Variants in MAN2A1 observed in about 807,000 individuals in gnomAD.
The protein encoded by MAN2A1 is mannosidase alpha class 2A member 1.
MAN2A1 carries 76 observed loss-of-function variants against 142.6 expected under a neutral mutation model. The observed-to-expected ratio is 0.53, with a 90% CI of 0.44 to 0.65. The LOEUF (loss-of-function observed/expected upper bound fraction) is 0.65, where lower values mean the gene tolerates loss of function less well. Ranked by LOEUF, MAN2A1 falls within the 30% of genes least tolerant of loss-of-function variation. The pLI is 0.00. For missense variants in MAN2A1, 1,311 were observed against 1,365.1 expected (o/e 0.96, Z 0.62); for synonymous variants, 559 against 473.2 (o/e 1.18, Z -2.35).
At chr5:109,776,973 A>G (rs1753310115) in intron 8 of MAN2A1, among the ~76,000 whole-genome samples, 1 of 152,112 alleles carries the variant, frequency 6.6e-6, no homozygotes. Context: ...TTTTTGATGA[A>G]TATACCACAG....
intron 12 of MAN2A1, among the ~76,000 whole-genome samples, chr5:109,810,778 C>T (rs1754294687): frequency 6.6e-6 from 1 of 152,122 alleles, no homozygotes. Context: ...TTTCTGTTGC[C>T]CTCAGGCAAA....
At chr5:109,765,270 G>T (rs886931928) in intron 5 of MAN2A1, among the ~76,000 whole-genome samples, 1 of 151,942 alleles carries the variant, frequency 6.6e-6, no homozygotes, top group Admixed American at 6.6e-5. Context: ...TTTTTTTGGG[G>T]ATTTCTTGAT....
intron 9 of MAN2A1, 34 bp downstream of exon 9, chr5:109,781,632 TTCACTTTATATTA>T: frequency 7.1e-7 from 1 of 1,405,370 alleles, no homozygotes; most frequent in Non-Finnish European, 9.7e-7. Flanking sequence ...CATGTATTTT[TTCACTTTATATTA>T]TCATAATCTT....
rs536429286 is a variant in MAN2A1, at chr5:109,704,342, A to G, written c.136-9178A>G. On this transcript the variant is annotated intron_variant, in intron 1 of 21. Transcript: ENST00000261483. ...CAATTTGGTAAGGTATTCTGTAGCT[A>G]CGTATTTTTTGTGCTCACATCGTGA... Among the ~76,000 whole-genome samples, 181 of 152,350 alleles carry G rather than the reference A, an allele frequency of 1.2e-3. 1 individual carries two copies. The highest frequency in any genetic ancestry group is 4.3e-3 in the African/African-American group (179 of 41,576).
chr5:109,716,036 A>G (rs1271629685), intron 2 of MAN2A1, 84 bp from the exon 3 acceptor site: 23 of 854,708 alleles, frequency 2.7e-5, no homozygotes, highest in Non-Finnish European at 3.9e-5. Context: ...TGCAGAGTAT[A>G]GCAGTGAATA....
intron 4 of MAN2A1, among the ~76,000 whole-genome samples, chr5:109,731,578 T>C (rs542251333): frequency 7.0e-6 from 1 of 143,724 alleles, no homozygotes; most frequent in Admixed American, 7.2e-5. Flanking sequence ...GTTCTCATTG[T>C]TCAATTCCCA....
chr5:109,781,120 G>A (rs1488118804), intron 8 of MAN2A1, among the ~76,000 whole-genome samples: 1 of 152,020 alleles, frequency 6.6e-6, no homozygotes. Context: ...ATATGTAGGA[G>A]TTTTCATATT....
chr5:109,772,792 G>A (rs574488590), intron 7 of MAN2A1, among the ~76,000 whole-genome samples: 1 of 152,252 alleles, frequency 6.6e-6, no homozygotes, highest in East Asian at 1.9e-4. Context: ...TTACAGGTAT[G>A]AGCCACCATG....
chr5:109,865,643 A>G (rs1194581261), intron 21 of MAN2A1, among the ~76,000 whole-genome samples: 2 of 152,236 alleles, frequency 1.3e-5, no homozygotes, highest in South Asian at 2.1e-4. Context: ...CGTAGCGCCA[A>G]TCAGTTGTTT....
At chr5:109,744,769 CAAGAGAA>C (rs1338122339) in intron 4 of MAN2A1, among the ~76,000 whole-genome samples, 1 of 151,918 alleles carries the variant, frequency 6.6e-6, no homozygotes, top group Non-Finnish European at 1.5e-5. Context: ...GCAATTTACC[CAAGAGAA>C]ATGAAAAAAT....
intron 1 of MAN2A1, among the ~76,000 whole-genome samples, chr5:109,698,823 A>G (rs531133045): frequency 1.3e-5 from 2 of 152,286 alleles, no homozygotes; most frequent in South Asian, 2.1e-4. Flanking sequence ...AATTCAAATG[A>G]CATAGAAAGG....
At chr5:109,779,559 ACGCGTG>A (rs1283087156) in intron 8 of MAN2A1, among the ~76,000 whole-genome samples, 13 of 95,346 alleles carry the variant, frequency 1.4e-4, no homozygotes, top group African/African-American at 7.1e-4. Flanking sequence ...ACACACACAC[ACGCGTG>A]CACACACACA....
chr5:109,852,611 C>G (rs912160340), intron 19 of MAN2A1, among the ~76,000 whole-genome samples: 5 of 152,148 alleles, frequency 3.3e-5, no homozygotes, highest in Admixed American at 2.0e-4. Flanking sequence ...GTGCTAGAAA[C>G]TTTCTTTAAT....
chr5:109,718,173 C>T (rs546798290), intron 3 of MAN2A1, among the ~76,000 whole-genome samples: 2 of 152,268 alleles, frequency 1.3e-5, no homozygotes, highest in African/African-American at 2.4e-5. Context: ...GATGTGATTC[C>T]ATAGTGTAAT....
At chr5:109,853,815 A>G (rs577115873) in intron 19 of MAN2A1, 4 of 152,136 alleles carry the variant, frequency 2.6e-5, no homozygotes, top group African/African-American at 4.8e-5. Context: ...TTGTTGGAGA[A>G]TATTATTTTA....
intron 18 of MAN2A1, 116 bp downstream of exon 18, chr5:109,846,122 G>C (rs72814826): frequency 3.2e-6 from 3 of 928,172 alleles, no homozygotes; most frequent in Admixed American, 6.2e-5. Flanking sequence ...CTTCTTTTCA[G>C]CTTTTTTCTT....
At chr5:109,722,212 A>G (rs1243098903) in intron 3 of MAN2A1, among the ~76,000 whole-genome samples, 2 of 152,116 alleles carry the variant, frequency 1.3e-5, no homozygotes, top group Admixed American at 1.3e-4. Flanking sequence ...CATAAAAAAG[A>G]TTTTTTTCAG....
intron 20 of MAN2A1, among the ~76,000 whole-genome samples, chr5:109,861,051 G>A (rs962201050): frequency 1.3e-5 from 2 of 152,154 alleles, no homozygotes; most frequent in Non-Finnish European, 2.9e-5. Flanking sequence ...GCTGTTAAAA[G>A]CTTAAACTTT....
chr5:109,760,842 T>C (rs1582869917), intron 5 of MAN2A1, among the ~76,000 whole-genome samples: 1 of 152,226 alleles, frequency 6.6e-6, no homozygotes, highest in South Asian at 2.1e-4. Context: ...CATTTTTTAT[T>C]GTGTCTATTT....
Sources: allele counts gnomAD v4.1 joint callset (sites outside exome capture counted in the v4.1 genomes callset), GRCh38; gene constraint gnomAD v4.1.1; transcripts MANE v1.5; gene names NCBI Gene and HGNC (gene_info 2026-07-23, HGNC 2026-07-21).